Variants in CFAP91 observed in about 807,000 individuals in gnomAD.
CFAP91 encodes cilia- and flagella-associated protein 91.
CFAP91 carries 85 observed loss-of-function variants against 95.9 expected under a neutral mutation model. The ratio of observed to expected loss-of-function variants is 0.89; its 90% confidence interval spans 0.74 to 1.06. The LOEUF (loss-of-function observed/expected upper bound fraction) is 1.06. CFAP91 is among the 50% of genes least tolerant of loss of function. The pLI, the probability that CFAP91 is intolerant of heterozygous loss-of-function variation, is 0.00. For missense variants in CFAP91, 962 were observed against 943.4 expected (o/e 1.02, Z -0.26); for synonymous variants, 335 against 327.5 (o/e 1.02, Z -0.25).
chr3:119,707,628 C>A (rs547339337), intron 3 of CFAP91, 67 bp downstream of exon 3: 10 of 1,403,356 alleles, frequency 7.1e-6, no homozygotes, highest in South Asian at 1.7e-5. Context: ...ATTCATTTAC[C>A]ATGTGTGGTT....
rs1035375244 is a variant in CFAP91, at chr3:119,715,839, G to A, written c.682+96G>A. The A allele has an allele frequency of 8.9e-6, 10 of 1,121,354 alleles. No individual in the cohort carries two copies. In the African/African-American group the frequency reaches 1.2e-4, roughly 14 times the overall value. 69.5% of individuals were successfully genotyped at this position (1,121,354 alleles called of 1,614,324 possible). A position where few individuals can be genotyped will look rare whatever the true frequency, so the allele number is the denominator to read the frequency against. The stretch of plus-strand genomic sequence containing the variant: ...CATGTACAGGCAATTGTGGTTTACA[G>A]TGTTGCTATATAAAGTGTCTTAGTA... On this transcript the variant is annotated intron_variant, in intron 6 of 17. Coordinates refer to ENST00000273390, the MANE Select transcript of CFAP91 (RefSeq NM_033364.4).
chr3:119,733,442 C>T lies in CFAP91; in HGVS notation c.1280C>T (p.Thr427Ile). The part of the protein sequence containing the change: ...QIRAPKPKVI[T>I]TKAGFLKRAA... ...AGAGCTCCAAAACCTAAAGTCATTACCACCAAAGCTGGTTTTCTGAAGAGG... is the reference window on the plus strand; with the variant it reads ...AGAGCTCCAAAACCTAAAGTCATTATCACCAAAGCTGGTTTTCTGAAGAGG... Residue 427 changes from threonine (T) to isoleucine (I), a missense_variant, in exon 10 of 18, where the codon ACC becomes ATC. By Grantham distance (89) the Thr-to-Ile change is moderately conservative. Transcript: ENST00000273390. The T allele has an allele frequency of 6.2e-7, 1 of 1,614,102 alleles. No individual in the cohort carries two copies. Among genetic ancestry groups the T allele is most frequent in the Non-Finnish European group, 8.5e-7 (1 of 1,179,972 alleles).
At chr3:119,748,054 A>G (rs1041520048) in intron 16 of CFAP91, 152 bp downstream of exon 16, 4 of 629,548 alleles carry the variant, frequency 6.4e-6, no homozygotes, top group Non-Finnish European at 1.1e-5. Flanking sequence ...GGTTCTCTTC[A>G]TGCTGCCTGA....
chr3:119,722,683 T>C (rs9825453), intron 6 of CFAP91, among the ~76,000 whole-genome samples: 73,477 of 151,648 alleles, frequency 0.48, 18,516 homozygotes, highest in East Asian at 0.63. Flanking sequence ...TTTGTGGAGA[T>C]GGGGTTTCAT....
chr3:119,721,100 A>G (rs886758365), intron 6 of CFAP91, among the ~76,000 whole-genome samples: 3 of 152,238 alleles, frequency 2.0e-5, no homozygotes, highest in Non-Finnish European at 4.4e-5. Flanking sequence ...AAAATTCTAA[A>G]TAAGATACTA....
At chr3:119,715,784 C>G (rs767404161) in intron 6 of CFAP91, 41 bp downstream of exon 6, 4 of 1,562,814 alleles carry the variant, frequency 2.6e-6, no homozygotes, top group Non-Finnish European at 3.5e-6. Context: ...GATGACGATG[C>G]TGATAACCAC....
At chr3:119,722,969 A>T (rs1375960748) in intron 6 of CFAP91, among the ~76,000 whole-genome samples, 1 of 152,166 alleles carries the variant, frequency 6.6e-6, no homozygotes, top group Non-Finnish European at 1.5e-5. Context: ...AATAGATAAG[A>T]CTTCTCCCTC....
chr3:119,717,986 G>A lies in CFAP91; in HGVS notation c.682+2243G>A, dbSNP rs571021130. On this transcript the variant is annotated intron_variant, in intron 6 of 17. Coordinates refer to ENST00000273390, the MANE Select transcript of CFAP91 (RefSeq NM_033364.4). ...TGGACTCCTCACCTTGTGGTGATGA[G>A]CAGGGTTCTAAGAATGAATTTAGGT... Among the ~76,000 whole-genome samples, 7 of 152,216 alleles carry A rather than the reference G, an allele frequency of 4.6e-5. No individual in the cohort carries two copies. In the South Asian group the frequency reaches 1.5e-3, roughly 32 times the overall value.
chr3:119,747,237 T>C lies in CFAP91; in HGVS notation c.2025T>C (p.Asn675=). The C allele has an allele frequency of 6.2e-7, 1 of 1,613,536 alleles. No homozygotes were observed. The highest frequency in any genetic ancestry group is 8.5e-7 in the Non-Finnish European group (1 of 1,179,752). The change falls in exon 15 of 18, where the codon AAT becomes AAC. Residue 675 remains asparagine, a synonymous_variant. Transcript: ENST00000273390. The part of the protein sequence containing the change: ...AEIEKMAEKI[N]DIAYEMESRR... Reference sequence around the variant, plus strand: ...TAGAGAAGATGGCTGAGAAAATCAATGACATTGCTTATGAAATGGAAAGCC... The same window carrying C: ...TAGAGAAGATGGCTGAGAAAATCAACGACATTGCTTATGAAATGGAAAGCC...
At position 119,739,254 on chromosome 3, in the gene CFAP91, GGAA is replaced by G. The variant is rs775565334; in HGVS notation, c.1471_1473del (p.Glu491del). The G allele has an allele frequency of 7.4e-6, 12 of 1,613,512 alleles. No individual in the cohort carries two copies. The highest frequency in any genetic ancestry group is 2.2e-5 in the South Asian group (2 of 91,064). On this transcript the variant is annotated inframe_deletion and splice_region_variant, in exon 12 of 18. Coordinates refer to ENST00000273390, the MANE Select transcript of CFAP91 (RefSeq NM_033364.4). Reference sequence around the variant, plus strand: ...GCTTGGTTCTCCCTTTGTTCTTTTAGGAAGAAGAAGAAATGGAAATGGCTGTGA... The same window carrying G: ...GCTTGGTTCTCCCTTTGTTCTTTTAGGAAGAAGAAATGGAAATGGCTGTGA...
rs1559761130 is a variant in CFAP91 at position 119,738,330 on chromosome 3, G to GTTTTT, written c.1461+849_1461+850insTTTTT. 3.8e-3 allele frequency among the ~76,000 whole-genome samples: 89 copies of GTTTTT among 23,698 alleles called. 3 individuals carry two copies. Among genetic ancestry groups the GTTTTT allele is most frequent in the Non-Finnish European group, 8.8e-3 (72 of 8,204 alleles). 15.5% of individuals were successfully genotyped at this position (23,698 alleles called of 152,430 possible). Reference sequence around the variant, plus strand: ...TGTGCAGGGCTTTGGTTGACATATTGTCTTTTTTTTTTTTTTTTTTTTTTT... The same window carrying GTTTTT: ...TGTGCAGGGCTTTGGTTGACATATTGTTTTTTCTTTTTTTTTTTTTTTTTTTTTTT... On this transcript the variant is annotated intron_variant, in intron 11 of 17. Transcript: ENST00000273390.
chr3:119,751,180 A>G lies in CFAP91; in HGVS notation c.*1+82A>G, dbSNP rs527289081. 222 of 1,424,294 alleles carry G rather than the reference A, an allele frequency of 1.6e-4. No homozygotes were observed. The African/African-American group carries it at 2.9e-3, about 18-fold the overall frequency. 88.2% of individuals were successfully genotyped at this position (1,424,294 alleles called of 1,614,324 possible). On this transcript the variant is annotated intron_variant, in intron 17 of 17. Coordinates refer to ENST00000273390, the MANE Select transcript of CFAP91 (RefSeq NM_033364.4). ...TTCAGCTTTGTGCTGTGCTCAAACA[A>G]TCATAATGTGAAGATTGCTGTTTAA...
At chr3:119,749,726 C>T (rs1301014843) in intron 16 of CFAP91, among the ~76,000 whole-genome samples, 1 of 152,080 alleles carries the variant, frequency 6.6e-6, no homozygotes, top group Non-Finnish European at 1.5e-5. Flanking sequence ...ACCTTTTTCT[C>T]TCTGTTCAAA....
At chr3:119,729,785 G>T (rs1235059403) in intron 7 of CFAP91, among the ~76,000 whole-genome samples, 1 of 152,220 alleles carries the variant, frequency 6.6e-6, no homozygotes, top group East Asian at 1.9e-4. Flanking sequence ...AACATTTGTT[G>T]AGTACCTATT....
chr3:119,730,416 T>A (rs1413774708), intron 8 of CFAP91, 39 bp downstream of exon 8: 1 of 1,587,336 alleles, frequency 6.3e-7, no homozygotes, highest in South Asian at 1.2e-5. Context: ...GGTGGAAAAG[T>A]GGGCTTTGCT....
rs565987775 is a variant in CFAP91, at chr3:119,712,889, A to G, written c.501-2673A>G. The stretch of plus-strand genomic sequence containing the variant: ...ACAATCACTTGAACCCGGGAGGTGG[A>G]TGTTGCAGTGAGCTGAGATCACGCC... On this transcript the variant is annotated intron_variant, in intron 5 of 17. Coordinates refer to ENST00000273390, the MANE Select transcript of CFAP91 (RefSeq NM_033364.4). Among the ~76,000 whole-genome samples the G allele has an allele frequency of 8.8e-5, 13 of 148,238 alleles. 1 individual carries two copies. In the South Asian group the frequency reaches 2.9e-3, roughly 33 times the overall value.
In CFAP91 at chr3:119,726,364, C is replaced by T. The variant is rs1559754991; in HGVS notation, c.860+16C>T. ...AGATTGAAAAGTAGGTTCTCTATCA[C>T]CCAGACAACTGTTCCTGCACTGGTG... On this transcript the variant is annotated intron_variant, in intron 7 of 17. Transcript: ENST00000273390. 6.3e-7 allele frequency: 1 copy of T among 1,599,656 alleles called. No homozygotes were observed.
rs2107846594 is a variant in CFAP91, at chr3:119,703,110, A to G, written c.12A>G (p.Ala4=). The change falls in exon 1 of 18, where the codon GCA becomes GCG. Residue 4 remains alanine, a synonymous_variant. Transcript: ENST00000273390. MSH[A]VTIEEPQAQP... is the part of the protein sequence containing the mutation. The stretch of plus-strand genomic sequence containing the variant: ...AAAGAGGCGGCACCATGAGCCACGC[A>G]GTAACCATCGAGGAGCCCCAGGCCC... 6.4e-7 allele frequency: 1 copy of G among 1,558,662 alleles called. No individual in the cohort carries two copies. Among genetic ancestry groups the G allele is most frequent in the Non-Finnish European group, 8.7e-7 (1 of 1,150,940 alleles).
In CFAP91 at chr3:119,740,588, G is replaced by C; in HGVS notation, c.1573G>C (p.Glu525Gln). The C allele has an allele frequency of 6.2e-7, 1 of 1,614,154 alleles. No individual in the cohort carries two copies. The highest frequency in any genetic ancestry group is 1.1e-5 in the South Asian group (1 of 91,082). Reference sequence around the variant, plus strand: ...AGAAAAGCGACTGGAGTTGATCCAGGAGTTGCGCACCTGCCACGCACTACA... The same window carrying C: ...AGAAAAGCGACTGGAGTTGATCCAGCAGTTGCGCACCTGCCACGCACTACA... ...GKEKRLELIQ[E>Q]LRTCHALQED... Residue 525 changes from glutamate to glutamine, a missense_variant, in exon 13 of 18, where the codon GAG (glutamate) becomes CAG (glutamine). Coordinates refer to ENST00000273390, the MANE Select transcript of CFAP91 (RefSeq NM_033364.4).
Sources: gnomAD v4.1 joint callset for allele counts (sites outside exome capture counted in the v4.1 genomes callset) on GRCh38, gnomAD v4.1.1 for gene constraint, MANE v1.5 for transcripts, NCBI Gene and HGNC (gene_info 2026-07-23, HGNC 2026-07-21) for gene names.